Variants in MSH3 observed in about 807,000 individuals in gnomAD.
The protein encoded by MSH3 is DNA mismatch repair protein Msh3.
A neutral mutation model predicts 123.3 loss-of-function variants in MSH3; 106 were observed. The ratio of observed to expected loss-of-function variants is 0.86; its 90% CI spans 0.73 to 1.01. The LOEUF (loss-of-function observed/expected upper bound fraction) is 1.01, where lower values mean the gene tolerates loss of function less well. Ranked by LOEUF, MSH3 falls within the 50% of genes least tolerant of loss-of-function variation. The pLI is 0.00. For missense variants in MSH3, 1,459 were observed against 1,347.6 expected (o/e 1.08, Z -1.29); for synonymous variants, 515 against 481.4 (o/e 1.07, Z -0.91).
At chr5:80,791,013 G>A (rs992874718) in intron 18 of MSH3, among the ~76,000 whole-genome samples, 2 of 152,098 alleles carry the variant, frequency 1.3e-5, no homozygotes, top group African/African-American at 2.4e-5. Flanking sequence ...TGTTATTCTC[G>A]TCCAGTTAGT....
intron 1 of MSH3, 120 bp downstream of exon 1, chr5:80,655,084 C>G (rs947554187): frequency 1.0e-5 from 6 of 600,054 alleles, no homozygotes; most frequent in Non-Finnish European, 1.6e-5. Context: ...AAGGGGCGGG[C>G]TGAAGAAGGG....
Position 80,654,882 on chromosome 5 carries a change from C to T in MSH3, c.155C>T (p.Ala52Val), listed in dbSNP as rs1383340362. 35 of 854,362 alleles carry T rather than the reference C, an allele frequency of 4.1e-5. No homozygotes were observed. The highest frequency in any genetic ancestry group is 5.7e-5 in the Non-Finnish European group (35 of 616,366). 52.9% of individuals were successfully genotyped at this position (854,362 alleles called of 1,614,324 possible). Residue 52 changes from alanine (A) to valine (V), a missense_variant, in exon 1 of 24, where the codon GCA (alanine) becomes GTA (valine). Physicochemically the swap from Ala to Val is moderately conservative, Grantham distance 64. Transcript: ENST00000265081. ...GAADQVDPGAAAAAAAAAAAA... is the reference protein window; with the variant it reads ...GAADQVDPGAVAAAAAAAAAA... ...GCCGACCAGGTGGACCCTGGCGCTG[C>T]AGCGGCTGCAGCGGCCGCAGCGGCC... is the stretch of plus-strand genomic sequence containing the variant.
chr5:80,851,650 A>G (rs1021610099), intron 20 of MSH3, among the ~76,000 whole-genome samples: 2 of 152,196 alleles, frequency 1.3e-5, no homozygotes, highest in African/African-American at 4.8e-5. Flanking sequence ...ACATATATGT[A>G]AAGCCACCCA....
At chr5:80,841,784 C>A (rs1472973843) in intron 20 of MSH3, among the ~76,000 whole-genome samples, 4 of 151,976 alleles carry the variant, frequency 2.6e-5, no homozygotes, top group African/African-American at 7.2e-5. Flanking sequence ...TGTTTAAGTT[C>A]TTTGTAGATT....
intron 17 of MSH3, among the ~76,000 whole-genome samples, chr5:80,785,704 C>T (rs957487929): frequency 1.1e-3 from 164 of 152,072 alleles, no homozygotes; most frequent in African/African-American, 3.4e-3. Context: ...ATGTTTATTG[C>T]GGCATTATTC....
intron 8 of MSH3, among the ~76,000 whole-genome samples, chr5:80,721,892 G>A (rs1215493132): frequency 6.6e-6 from 1 of 152,030 alleles, no homozygotes; most frequent in Non-Finnish European, 1.5e-5. Context: ...TTGTGACGAG[G>A]TATAGCCATT....
chr5:80,872,391 C>A (rs1337585982), intron 22 of MSH3, among the ~76,000 whole-genome samples: 1 of 152,124 alleles, frequency 6.6e-6, no homozygotes, highest in Admixed American at 6.6e-5. Flanking sequence ...CACCTTGAAC[C>A]TGGAAGATTG....
At chr5:80,696,404 G>C (rs1310045385) in intron 8 of MSH3, among the ~76,000 whole-genome samples, 1 of 152,184 alleles carries the variant, frequency 6.6e-6, no homozygotes, top group East Asian at 1.9e-4. Context: ...TGCTTGGCTA[G>C]AGTAGAGCGG....
At chr5:80,675,736 T>C (rs1381253899) in intron 7 of MSH3, among the ~76,000 whole-genome samples, 2 of 152,200 alleles carry the variant, frequency 1.3e-5, no homozygotes, top group Non-Finnish European at 1.5e-5. Context: ...TCTTGGTCCA[T>C]GTGCCCTGAG....
In MSH3 at chr5:80,752,983, C is replaced by T. The variant is rs540730241; in HGVS notation, c.1763+8368C>T. Among the ~76,000 whole-genome samples, 17 of 152,136 alleles carry T rather than the reference C, an allele frequency of 1.1e-4. No homozygotes were observed. In the East Asian group the frequency reaches 3.3e-3, roughly 29 times the overall value. ...TTTCTTGTCACATAGGCAGTCAAGA[C>T]AATAATAACTTCTGGGAAATGAGAA... On this transcript the variant is annotated intron_variant, in intron 12 of 23. Transcript: ENST00000265081.
In MSH3 at chr5:80,775,058, C is replaced by T. The variant is rs6151812; in HGVS notation, c.2254-636C>T. Among the ~76,000 whole-genome samples the T allele has an allele frequency of 1.6e-4, 24 of 152,216 alleles. No homozygotes were observed. The East Asian group carries it at 4.0e-3, about 26-fold the overall frequency. ...ATTGTATGTCTGTATCAAACTATCT[C>T]ATGTAACCAATAAATATATACAACT... On this transcript the variant is annotated intron_variant, in intron 15 of 23. Coordinates refer to ENST00000265081, the MANE Select transcript of MSH3 (RefSeq NM_002439.5).
intron 13 of MSH3, 23 bp from the exon 14 acceptor site, chr5:80,767,910 A>T: frequency 6.4e-7 from 1 of 1,550,946 alleles, no homozygotes; most frequent in South Asian, 1.1e-5. Flanking sequence ...ATGCTATTTC[A>T]TAAAAAATAT....
Position 80,672,732 on chromosome 5 carries a change from T to C in MSH3, c.910-9T>C. 1 of 1,603,500 alleles carries C rather than the reference T, an allele frequency of 6.2e-7. No homozygotes were observed. On this transcript the variant is annotated splice_polypyrimidine_tract_variant and intron_variant, in intron 5 of 23. Coordinates refer to ENST00000265081, the MANE Select transcript of MSH3 (RefSeq NM_002439.5). Reference sequence around the variant, plus strand: ...CCTTTGATAGCAATATTTCTTATTTTTGTTGAAGGTGGGAGTTGTGAAGCA... The same window carrying C: ...CCTTTGATAGCAATATTTCTTATTTCTGTTGAAGGTGGGAGTTGTGAAGCA...
chr5:80,722,932 C>G (rs1751113915), intron 8 of MSH3, among the ~76,000 whole-genome samples: 2 of 151,984 alleles, frequency 1.3e-5, no homozygotes, highest in South Asian at 4.1e-4. Context: ...TGGCGAAACC[C>G]TGTATCTACT....
intron 8 of MSH3, among the ~76,000 whole-genome samples, chr5:80,696,918 T>TA (rs1750495192): frequency 6.6e-6 from 1 of 152,220 alleles, no homozygotes; most frequent in South Asian, 2.1e-4. Context: ...AAGAAAATCC[T>TA]ATTTTTTATA....
rs535326320 is a variant in MSH3 at position 80,719,553 on chromosome 5, A to T, written c.1341-5900A>T. On this transcript the variant is annotated intron_variant, in intron 8 of 23. Coordinates refer to ENST00000265081, the MANE Select transcript of MSH3 (RefSeq NM_002439.5). Reference sequence around the variant, plus strand: ...GTTCTTATGTAAGTACTCTGATTTTATCATTCAAATATCAGGTATTTAATT... The same window carrying T: ...GTTCTTATGTAAGTACTCTGATTTTTTCATTCAAATATCAGGTATTTAATT... 5.3e-5 allele frequency among the ~76,000 whole-genome samples: 8 copies of T among 152,340 alleles called. No individual in the cohort carries two copies. In the South Asian group the frequency reaches 1.4e-3, roughly 28 times the overall value.
intron 17 of MSH3, among the ~76,000 whole-genome samples, 198 bp downstream of exon 17, chr5:80,779,034 G>A (rs888191476): frequency 7.0e-6 from 1 of 142,622 alleles, no homozygotes; most frequent in African/African-American, 2.6e-5. Context: ...CTTTGTCACC[G>A]AGGCTGGAGT....
intron 2 of MSH3, among the ~76,000 whole-genome samples, chr5:80,661,465 A>G (rs1371648047): frequency 1.3e-5 from 2 of 151,936 alleles, no homozygotes; most frequent in African/African-American, 4.8e-5. Flanking sequence ...TTCGTTTTCC[A>G]TATTGTATGT....
intron 10 of MSH3, among the ~76,000 whole-genome samples, chr5:80,740,185 G>T (rs1237689751): frequency 2.6e-5 from 4 of 152,160 alleles, no homozygotes; most frequent in African/African-American, 7.2e-5. Context: ...ACATTTATTA[G>T]TCATGCTGTA....
Sources: gnomAD v4.1 joint callset for allele counts (sites outside exome capture counted in the v4.1 genomes callset) on GRCh38, gnomAD v4.1.1 for gene constraint, MANE v1.5 for transcripts, NCBI Gene and HGNC (gene_info 2026-07-23, HGNC 2026-07-21) for gene names.